The following DSCAM variants were observed in gnomAD, a reference collection of about 807,000 sequenced individuals.
DSCAM encodes the protein DS cell adhesion molecule.
Under a neutral mutation model 217.7 loss-of-function variants are expected in DSCAM, and 47 were observed. That is an observed-to-expected ratio of 0.22 (90% CI 0.17 to 0.28). The LOEUF is 0.28. Among genes scored for constraint, DSCAM ranks in the 10% least tolerant of loss-of-function variants. The pLI is 1.00. For missense variants in DSCAM, 2,080 were observed against 2,618.3 expected (o/e 0.79, Z 4.49); for synonymous variants, 1,056 against 1,015.3 (o/e 1.04, Z -0.76).
At chr21:40,522,693 G>A (rs560862266) in intron 3 of DSCAM, among the ~76,000 whole-genome samples, 4 of 152,124 alleles carry the variant, frequency 2.6e-5, no homozygotes, top group Non-Finnish European at 2.9e-5. Flanking sequence ...AACAAACTTC[G>A]CTTTAAGAAG....
intron 3 of DSCAM, among the ~76,000 whole-genome samples, chr21:40,576,961 G>A (rs1449238758): frequency 2.0e-5 from 3 of 150,492 alleles, no homozygotes; most frequent in Non-Finnish European, 4.4e-5. Context: ...AAACATGCAC[G>A]TCATGCACAT....
Position 40,313,825 on chromosome 21 carries a change from A to C in DSCAM, c.1784-1466T>G, listed in dbSNP as rs4818126. 0.016 allele frequency among the ~76,000 whole-genome samples: 2,446 copies of C among 152,274 alleles called. 158 individuals are homozygous for C. In the East Asian group the frequency reaches 0.23, roughly 14 times the overall value. On this transcript the variant is annotated intron_variant, in intron 8 of 32. Transcript: ENST00000400454. ...TGTATGCAGGGGCTTGGAAATGACT[A>C]AGAGTACAAACTAAGATGATTAATC...
chr21:40,583,003 T>G (rs1341657940), intron 3 of DSCAM, among the ~76,000 whole-genome samples: 1 of 152,110 alleles, frequency 6.6e-6, no homozygotes, highest in African/African-American at 2.4e-5. Context: ...GAATTAAACT[T>G]ACCAAAAAAT....
At chr21:40,674,742 C>T (rs1196612994) in intron 3 of DSCAM, among the ~76,000 whole-genome samples, 26 of 150,486 alleles carry the variant, frequency 1.7e-4, no homozygotes, top group Admixed American at 1.7e-3. Flanking sequence ...ATGGCATTCT[C>T]CTGCCTCAGC....
intron 1 of DSCAM, among the ~76,000 whole-genome samples, chr21:40,763,965 C>T (rs2205145): frequency 0.71 from 108,616 of 152,116 alleles, 39,229 homozygotes; most frequent in African/African-American, 0.81. Flanking sequence ...TAAAGACTTA[C>T]ATGTAAAACC....
chr21:40,339,013 T>C, intron 7 of DSCAM, 106 bp downstream of exon 7: 1 of 1,390,936 alleles, frequency 7.2e-7, no homozygotes, highest in Non-Finnish European at 9.8e-7. Context: ...GAAGCAACAG[T>C]TAATCCGCTC....
chr21:40,172,736 T>A (rs1006322223), intron 15 of DSCAM, among the ~76,000 whole-genome samples: 1 of 152,242 alleles, frequency 6.6e-6, no homozygotes, highest in South Asian at 2.1e-4. Flanking sequence ...CTGGTTCTGA[T>A]TGGGAGATTT....
In DSCAM at chr21:40,654,753, TATA is replaced by T. The variant is rs560367439; in HGVS notation, c.508+38054_508+38056del. Among the ~76,000 whole-genome samples the T allele has an allele frequency of 2.0e-5, 3 of 152,310 alleles. No homozygotes were observed. The South Asian group carries it at 6.2e-4, about 32-fold the overall frequency. ...GACTCTCCTGACTCTGACTTTCACTTATAATGACCCTTGAACAACACCGGGCCC... is the reference window on the plus strand; with the variant it reads ...GACTCTCCTGACTCTGACTTTCACTTATGACCCTTGAACAACACCGGGCCC... On this transcript the variant is annotated intron_variant, in intron 3 of 32. Coordinates refer to ENST00000400454, the MANE Select transcript of DSCAM (RefSeq NM_001389.5).
chr21:40,093,271 A>G (rs2089633840), intron 21 of DSCAM, among the ~76,000 whole-genome samples: 2 of 152,208 alleles, frequency 1.3e-5, no homozygotes, highest in Admixed American at 1.3e-4. Flanking sequence ...TCCTGCTGTT[A>G]CTTAAAGTCT....
intron 14 of DSCAM, among the ~76,000 whole-genome samples, chr21:40,182,596 G>GCAGAGAAACCGTGGACAGAACGGGCCAC (rs1568986345): frequency 2.6e-5 from 3 of 114,060 alleles, no homozygotes; most frequent in East Asian, 2.8e-4. Flanking sequence ...GGAGGGGCCA[G>GCAGAGAAACCGTGGACAGAACGGGCCAC]CAGAGAAACC....
chr21:40,473,540 T>C (rs1341050707), intron 3 of DSCAM, among the ~76,000 whole-genome samples: 1 of 152,116 alleles, frequency 6.6e-6, no homozygotes, highest in African/African-American at 2.4e-5. Flanking sequence ...GGCTCTGAAA[T>C]TGGGCAGCGG....
intron 11 of DSCAM, among the ~76,000 whole-genome samples, chr21:40,231,466 A>C (rs1265777317): frequency 1.3e-5 from 2 of 151,998 alleles, no homozygotes; most frequent in Admixed American, 1.3e-4. Flanking sequence ...GTTCTCTGTA[A>C]GAAAACTTGT....
chr21:40,794,653 A>G (rs1462450361), intron 1 of DSCAM, among the ~76,000 whole-genome samples: 1 of 151,686 alleles, frequency 6.6e-6, no homozygotes, highest in Non-Finnish European at 1.5e-5. Context: ...CCTTCTACAC[A>G]ATAAGATTGA....
chr21:40,309,109 C>T (rs1340012740), intron 9 of DSCAM, among the ~76,000 whole-genome samples: 1 of 152,182 alleles, frequency 6.6e-6, no homozygotes, highest in Non-Finnish European at 1.5e-5. Context: ...AAAAATAACT[C>T]CTGCCCTTGC....
At chr21:40,272,239 C>A (rs781620338) in intron 11 of DSCAM, among the ~76,000 whole-genome samples, 1 of 152,142 alleles carries the variant, frequency 6.6e-6, no homozygotes, top group South Asian at 2.1e-4. Context: ...AGAGCCTACT[C>A]CCTCTGCCTT....
At chr21:40,240,826 T>A (rs759781459) in intron 11 of DSCAM, among the ~76,000 whole-genome samples, 3 of 152,158 alleles carry the variant, frequency 2.0e-5, no homozygotes, top group Non-Finnish European at 2.9e-5. Flanking sequence ...TTCCCCACCA[T>A]ATCTAAGCTT....
chr21:40,063,849 G>C (rs1568921123), intron 27 of DSCAM, among the ~76,000 whole-genome samples: 1 of 152,168 alleles, frequency 6.6e-6, no homozygotes, highest in African/African-American at 2.4e-5. Context: ...GTCACAGAAT[G>C]ACCACGTAGA....
intron 18 of DSCAM, among the ~76,000 whole-genome samples, chr21:40,141,090 C>T (rs1225714996): frequency 6.6e-6 from 1 of 152,236 alleles, no homozygotes; most frequent in Non-Finnish European, 1.5e-5. Context: ...CCTATGCTCG[C>T]TGAGCCAGTA....
intron 1 of DSCAM, among the ~76,000 whole-genome samples, chr21:40,748,117 C>T (rs2091192829): frequency 6.6e-6 from 1 of 151,680 alleles, no homozygotes; most frequent in Non-Finnish European, 1.5e-5. Context: ...TCATACTGAG[C>T]AGGAAACAGT....
Sources: gnomAD v4.1 joint callset for allele counts (sites outside exome capture counted in the v4.1 genomes callset) on GRCh38, gnomAD v4.1.1 for gene constraint, MANE v1.5 for transcripts, NCBI Gene and HGNC (gene_info 2026-07-23, HGNC 2026-07-21) for gene names.